The following ANAPC5 variants were observed in gnomAD, a reference collection of about 807,000 sequenced individuals.
ANAPC5 encodes anaphase-promoting complex subunit 5.
A neutral mutation model predicts 91.3 loss-of-function variants in ANAPC5; 60 were observed. That is an observed-to-expected ratio of 0.66 (90% CI 0.53 to 0.81). The LOEUF is 0.81. Among genes scored for constraint, ANAPC5 ranks in the 40% least tolerant of loss-of-function variants. The pLI, the probability that ANAPC5 is intolerant of heterozygous loss-of-function variation, is 0.00. For missense variants in ANAPC5, 690 were observed against 931.5 expected, an observed-to-expected ratio of 0.74 and a Z score of 3.37; for synonymous variants, 340 against 364.1, an observed-to-expected ratio of 0.93 and a Z score of 0.75.
In ANAPC5 at chr12:121,337,402, A is replaced by T. The variant is rs1903280687; in HGVS notation, c.658-10T>A. On this transcript the variant is annotated splice_polypyrimidine_tract_variant and intron_variant, in intron 5 of 16. Coordinates refer to ENST00000261819, the MANE Select transcript of ANAPC5 (RefSeq NM_016237.5). ...TCTTTAGCAAAGAAGCCTGAAATTT[A>T]AAAATGGTAACTCAGTAGAAAGAAA... The T allele has an allele frequency of 6.3e-7, 1 of 1,584,376 alleles. No homozygotes were observed. The highest frequency in any genetic ancestry group is 8.7e-7 in the Non-Finnish European group (1 of 1,153,990).
At position 121,320,728 on chromosome 12, in the gene ANAPC5, G is replaced by A; in HGVS notation, c.1441-269C>T. 1.2e-5 allele frequency: 3 copies of A among 240,954 alleles called. No homozygotes were observed. In the South Asian group the frequency reaches 3.3e-4, roughly 27 times the overall value. The allele number at this position is 240,954 out of a possible 1,614,324, so 14.9% of individuals were successfully genotyped here. ...CGCCATTCTCCTGCCTCAGCCTCCT[G>A]AGTAGCTGGGACCACAGGTGCCTGC... On this transcript the variant is annotated intron_variant, in intron 11 of 16. Coordinates refer to ENST00000261819, the MANE Select transcript of ANAPC5 (RefSeq NM_016237.5).
At position 121,335,617 on chromosome 12, in the gene ANAPC5, T is replaced by C. The variant is rs782819146; in HGVS notation, c.866A>G (p.Lys289Arg). Residue 289 changes from lysine to arginine, a missense_variant, in exon 7 of 17, where the codon AAA becomes AGA. Lys to Arg is a conservative substitution (Grantham distance 26, BLOSUM62 2). Around this residue, in one of 5 missense-constraint regions of ANAPC5, gnomAD observed 83 missense variants for 150.8 expected, o/e 0.55. Coordinates refer to ENST00000261819, the MANE Select transcript of ANAPC5 (RefSeq NM_016237.5). Reference protein sequence around the residue: ...DRLILTGAESKSNGEEGYGRS... With the variant: ...DRLILTGAESRSNGEEGYGRS... ...GCCATAGCCCTCTTCCCCATTACTT[T>C]TGCTTTCGGCTCCGGTAAGAATCAG... is the stretch of plus-strand genomic sequence containing the variant. 1.2e-6 allele frequency: 2 copies of C among 1,614,100 alleles called. No individual in the cohort carries two copies. The highest frequency in any genetic ancestry group is 1.7e-5 in the Admixed American group (1 of 59,992).
chr12:121,309,166 A>T (rs1256944790), intron 16 of ANAPC5, among the ~76,000 whole-genome samples: 2 of 142,732 alleles, frequency 1.4e-5, no homozygotes, highest in Non-Finnish European at 3.0e-5. Flanking sequence ...AAAAAAAAAA[A>T]AAGGCCGGGC....
At chr12:121,321,880 T>C (rs1259349274) in intron 11 of ANAPC5, among the ~76,000 whole-genome samples, 1 of 151,354 alleles carries the variant, frequency 6.6e-6, no homozygotes, top group African/African-American at 2.4e-5. Flanking sequence ...TGCTTTTTTT[T>C]TTCTGAGACA....
intron 15 of ANAPC5, among the ~76,000 whole-genome samples, chr12:121,310,955 C>CAAAAA (rs1902144342): frequency 7.9e-6 from 1 of 127,130 alleles, no homozygotes; most frequent in African/African-American, 3.7e-5. Flanking sequence ...AAAAAAAAAT[C>CAAAAA]AAATTAGAAA....
At chr12:121,344,308 G>A (rs1173645546) in intron 4 of ANAPC5, among the ~76,000 whole-genome samples, 1 of 152,236 alleles carries the variant, frequency 6.6e-6, no homozygotes, top group Non-Finnish European at 1.5e-5. Context: ...GCCGAGTGCG[G>A]TGGCTCACGC....
intron 15 of ANAPC5, among the ~76,000 whole-genome samples, chr12:121,316,294 C>T (rs999223612): frequency 6.6e-5 from 10 of 152,104 alleles, no homozygotes; most frequent in African/African-American, 2.2e-4. Context: ...TGGAAAATAA[C>T]AAGGGTGGGC....
At chr12:121,335,793 T>C (rs1555273413) in intron 6 of ANAPC5, 70 bp from the exon 7 acceptor site, 2 of 1,320,968 alleles carry the variant, frequency 1.5e-6, no homozygotes, top group East Asian at 2.4e-5. Flanking sequence ...CTGCAGAGAG[T>C]TCCACTGTCT....
At chr12:121,317,363 C>T (rs1239310978) in intron 15 of ANAPC5, among the ~76,000 whole-genome samples, 1 of 151,680 alleles carries the variant, frequency 6.6e-6, no homozygotes, top group Non-Finnish European at 1.5e-5. Flanking sequence ...AAGCGATTCT[C>T]CTGCCTCAGC....
At chr12:121,353,551 C>G (rs1384518086), upstream of ANAPC5, among the ~76,000 whole-genome samples, 1 of 152,172 alleles carries the variant, frequency 6.6e-6, no homozygotes, top group East Asian at 1.9e-4. Flanking sequence ...CGCCATTCTC[C>G]TGCTTCAGCC....
At chr12:121,343,041 G>A (rs1317366820) in intron 4 of ANAPC5, among the ~76,000 whole-genome samples, 2 of 152,078 alleles carry the variant, frequency 1.3e-5, no homozygotes, top group Non-Finnish European at 2.9e-5. Flanking sequence ...TTTTCACGAT[G>A]AAATTCAGTT....
intron 11 of ANAPC5, among the ~76,000 whole-genome samples, chr12:121,321,648 T>C (rs1046351046): frequency 1.3e-5 from 2 of 150,390 alleles, no homozygotes; most frequent in East Asian, 2.0e-4. Flanking sequence ...TCTGATGTCT[T>C]AGCCCCCACC....
chr12:121,338,084 T>C (rs1903313238), intron 5 of ANAPC5, among the ~76,000 whole-genome samples: 1 of 152,132 alleles, frequency 6.6e-6, no homozygotes, highest in Non-Finnish European at 1.5e-5. Context: ...AGTAAAATAA[T>C]TTCTAAGGGC....
intron 1 of ANAPC5, chr12:121,351,022 C>A: frequency 2.3e-6 from 1 of 432,118 alleles, no homozygotes; most frequent in Middle Eastern, 3.9e-4. Context: ...AAAACTGAGA[C>A]CCAAATGAAT....
At chr12:121,321,919 G>A (rs1204895778) in intron 11 of ANAPC5, among the ~76,000 whole-genome samples, 3 of 151,572 alleles carry the variant, frequency 2.0e-5, no homozygotes, top group African/African-American at 4.8e-5. Context: ...AGGCTGGAGT[G>A]CAGTGGCATG....
Position 121,352,189 on chromosome 12 carries a change from G to A in ANAPC5, c.152C>T (p.Ala51Val). ...CCTCCGCCGCTCCATGAGGCTGACG[G>A]CGCCCTCGCCTGTGCGGCTCATCTC... ...LNEMSRTGEG[A>V]VSLMERRRLN... Residue 51 changes from alanine (A) to valine (V), a missense_variant, in exon 1 of 17, where the codon GCC (alanine) becomes GTC (valine). Ala to Val is a moderately conservative substitution (Grantham distance 64, BLOSUM62 0). Around this residue, in one of 5 missense-constraint regions of ANAPC5, gnomAD observed 238 missense variants for 264.9 expected, o/e 0.90. Transcript: ENST00000261819. 20 of 1,613,360 alleles carry A rather than the reference G, an allele frequency of 1.2e-5. No individual in the cohort carries two copies. The highest frequency in any genetic ancestry group is 2.2e-5 in the East Asian group (1 of 44,860).
Position 121,347,837 on chromosome 12 carries a change from C to T in ANAPC5, c.252G>A (p.Glu84=), listed in dbSNP as rs1308820196. ...CTGAATTTGCCAGCTGTGGACAAGA[C>T]TCTTCAATTAACTTGTAAAGTTTTG... ...TLSKLYKLIE[E]SCPQLANSVQ... The change falls in exon 2 of 17, where the codon GAG becomes GAA. Residue 84 remains glutamate (E), a synonymous_variant. Transcript: ENST00000261819. The T allele has an allele frequency of 1.9e-6, 3 of 1,613,700 alleles. No homozygotes were observed. In the African/African-American group the frequency reaches 4.0e-5, roughly 22 times the overall value.
intron 2 of ANAPC5, 180 bp downstream of exon 2, chr12:121,347,622 C>A: frequency 1.7e-6 from 1 of 592,114 alleles, no homozygotes; most frequent in African/African-American, 1.9e-5. Flanking sequence ...CAGAATGAGA[C>A]CCTGTCTCCA....
chr12:121,320,521 A>ATCTG, intron 11 of ANAPC5, 62 bp from the exon 12 acceptor site: 1 of 1,378,966 alleles, frequency 7.3e-7, no homozygotes, highest in Non-Finnish European at 1.0e-6. Flanking sequence ...CTGCTGTACC[A>ATCTG]TGCACAGATG....
Sources: allele counts gnomAD v4.1 joint callset (sites outside exome capture counted in the v4.1 genomes callset), GRCh38; gene constraint gnomAD v4.1.1; regional missense constraint gnomAD v4.1.1; transcripts MANE v1.5; gene names NCBI Gene and HGNC (gene_info 2026-07-23, HGNC 2026-07-21).